The following ATP13A5 variants were observed in gnomAD, a reference collection of about 807,000 sequenced individuals.
ATP13A5 encodes the protein ATPase 13A5.
In ATP13A5, 149 loss-of-function variants were observed where a neutral mutation model predicts 150.2. That is an observed-to-expected ratio of 0.99 (90% CI 0.87 to 1.14). The LOEUF (loss-of-function observed/expected upper bound fraction) is 1.14, where lower values mean the gene tolerates loss of function less well. Among genes scored for constraint, ATP13A5 ranks in the 50% most tolerant of loss-of-function variants. The pLI is 0.00. For synonymous variants in ATP13A5, 497 were observed against 522.2 expected (o/e 0.95, Z 0.66); for missense variants, 1,383 against 1,449.3 (o/e 0.95, Z 0.74).
chr3:193,376,505 C>G (rs1016969581), intron 1 of ATP13A5, among the ~76,000 whole-genome samples: 2 of 152,146 alleles, frequency 1.3e-5, no homozygotes, highest in Non-Finnish European at 2.9e-5. Context: ...AGCCACCATG[C>G]CTGGCCAGGG....
At chr3:193,377,412 A>C (rs1018910786) in intron 1 of ATP13A5, among the ~76,000 whole-genome samples, 1 of 152,236 alleles carries the variant, frequency 6.6e-6, no homozygotes, top group African/African-American at 2.4e-5. Flanking sequence ...TACCTAAGCT[A>C]TCTAAAATAT....
rs146747359 is a variant in ATP13A5 at position 193,286,602 on chromosome 3, T to G, written c.3024-1486A>C. On this transcript the variant is annotated intron_variant, in intron 26 of 29. Coordinates refer to ENST00000342358, the MANE Select transcript of ATP13A5 (RefSeq NM_198505.4). ...ACTGTGCTTTTATAAGAATGCAAAT[T>G]TAATCGATAAATATTGTCTGTGTCT... is the stretch of plus-strand genomic sequence containing the variant. Among the ~76,000 whole-genome samples, 904 of 152,282 alleles carry G rather than the reference T, an allele frequency of 5.9e-3. 11 individuals carry two copies. Among genetic ancestry groups the G allele is most frequent in the African/African-American group, 0.021 (859 of 41,552 alleles).
chr3:193,301,561 A>T (rs947725973), intron 23 of ATP13A5, among the ~76,000 whole-genome samples: 1 of 152,232 alleles, frequency 6.6e-6, no homozygotes, highest in African/African-American at 2.4e-5. Flanking sequence ...GTCATAGAGG[A>T]TATAAAATGA....
At position 193,363,162 on chromosome 3, in the gene ATP13A5, C is replaced by G. The variant is rs188138132; in HGVS notation, c.384+74G>C. 4.9e-5 allele frequency: 73 copies of G among 1,499,292 alleles called. No individual in the cohort carries two copies. The East Asian group carries it at 1.5e-3, about 31-fold the overall frequency. The allele number at this position is 1,499,292 out of a possible 1,614,324, so 92.9% of individuals were successfully genotyped here. A position where few individuals can be genotyped will look rare whatever the true frequency, so the allele number is the denominator to read the frequency against. The stretch of plus-strand genomic sequence containing the variant: ...CATTCCAAAAGTGTGATATTCGGAA[C>G]TTTCATTTAATAAACAGTTATTTTA... On this transcript the variant is annotated intron_variant, in intron 3 of 29. Coordinates refer to ENST00000342358, the MANE Select transcript of ATP13A5 (RefSeq NM_198505.4).
In ATP13A5 at chr3:193,351,120, T is replaced by C. The variant is rs376315892; in HGVS notation, c.688A>G (p.Ile230Val). Residue 230 changes from isoleucine (I) to valine (V), a missense_variant, in exon 7 of 30, where the codon ATC (isoleucine) becomes GTC (valine). Ile to Val is a conservative substitution (Grantham distance 29, BLOSUM62 3). Around this residue, in one of 3 missense-constraint regions of ATP13A5, gnomAD observed 787 missense variants for 771.9 expected, o/e 1.02. Transcript: ENST00000342358. ...SQGYIEYSVA[I>V]IILTVISIVL... ...ATGGAGATAACAGTCAAAATGATGATGGCCACAGAGTATTCTATGTAACCT... is the reference window on the plus strand; with the variant it reads ...ATGGAGATAACAGTCAAAATGATGACGGCCACAGAGTATTCTATGTAACCT... The C allele has an allele frequency of 1.7e-5, 28 of 1,613,710 alleles. No individual in the cohort carries two copies. The East Asian group carries it at 2.0e-4, about 12-fold the overall frequency.
chr3:193,295,420 C>T (rs1407747236), intron 25 of ATP13A5, among the ~76,000 whole-genome samples: 1 of 152,006 alleles, frequency 6.6e-6, no homozygotes, highest in Non-Finnish European at 1.5e-5. Context: ...TCCTTAACCC[C>T]AGATTATCGG....
intron 24 of ATP13A5, among the ~76,000 whole-genome samples, chr3:193,299,507 C>T (rs899061100): frequency 6.6e-6 from 1 of 152,154 alleles, no homozygotes; most frequent in Non-Finnish European, 1.5e-5. Flanking sequence ...GAATTCTCAA[C>T]ATAAGATGTT....
At chr3:193,285,344 A>G (rs1451466800) in intron 26 of ATP13A5, among the ~76,000 whole-genome samples, 1 of 152,188 alleles carries the variant, frequency 6.6e-6, no homozygotes, top group Non-Finnish European at 1.5e-5. Context: ...ATCTACCTTG[A>G]AAGGGCCTGG....
intron 9 of ATP13A5, among the ~76,000 whole-genome samples, chr3:193,337,176 A>G (rs538395960): frequency 2.0e-5 from 3 of 152,022 alleles, no homozygotes; most frequent in Admixed American, 1.3e-4. Context: ...ATTTTCTCCC[A>G]TTCTCTAGGT....
At chr3:193,309,507 C>A (rs948744451) in intron 21 of ATP13A5, among the ~76,000 whole-genome samples, 2 of 152,148 alleles carry the variant, frequency 1.3e-5, no homozygotes, top group Non-Finnish European at 2.9e-5. Context: ...TCCTGGCATC[C>A]ACGCCCTGTG....
chr3:193,352,845 T>C (rs1421490057), intron 6 of ATP13A5, among the ~76,000 whole-genome samples: 1 of 152,134 alleles, frequency 6.6e-6, no homozygotes, highest in African/African-American at 2.4e-5. Flanking sequence ...TGACCATCTT[T>C]ATGGGTTAGA....
intron 28 of ATP13A5, chr3:193,277,761 C>T (rs1371094774): frequency 2.0e-5 from 3 of 152,206 alleles, no homozygotes; most frequent in Non-Finnish European, 4.4e-5. Flanking sequence ...TCATGGCTGC[C>T]ACCACTCCAA....
intron 1 of ATP13A5, 125 bp from the exon 2 acceptor site, chr3:193,364,405 G>A: frequency 8.8e-7 from 1 of 1,134,834 alleles, no homozygotes. Flanking sequence ...GTTATAGGTG[G>A]TTAAATCAAG....
At position 193,378,605 on chromosome 3, in the gene ATP13A5, C is replaced by T. The variant is rs1374429263; in HGVS notation, c.63+58G>A. ...ACTCTATTTTCTAATTCAGCTGTAGCCCATACTCACCGCCTTGGGCTCTTT... is the reference window on the plus strand; with the variant it reads ...ACTCTATTTTCTAATTCAGCTGTAGTCCATACTCACCGCCTTGGGCTCTTT... On this transcript the variant is annotated intron_variant, in intron 1 of 29. Transcript: ENST00000342358. 4 of 1,412,316 alleles carry T rather than the reference C, an allele frequency of 2.8e-6. No individual in the cohort carries two copies. In the Admixed American group the frequency reaches 5.1e-5, roughly 18 times the overall value. The allele number at this position is 1,412,316 out of a possible 1,614,324, so 87.5% of individuals were successfully genotyped here. A position where few individuals can be genotyped will look rare whatever the true frequency, so the allele number is the denominator to read the frequency against.
At chr3:193,334,168 CAGCT>C (rs1239865723) in intron 10 of ATP13A5, among the ~76,000 whole-genome samples, 1 of 152,108 alleles carries the variant, frequency 6.6e-6, no homozygotes, top group Non-Finnish European at 1.5e-5. Flanking sequence ...TTTAAAAAAT[CAGCT>C]AGAACAACTA....
At chr3:193,280,323 A>G (rs1054083508) in intron 27 of ATP13A5, among the ~76,000 whole-genome samples, 1 of 152,302 alleles carries the variant, frequency 6.6e-6, no homozygotes, top group Non-Finnish European at 1.5e-5. Context: ...AAGTGCTATG[A>G]TTACAGGCAT....
At chr3:193,297,526 CCT>C (rs992029119) in intron 25 of ATP13A5, among the ~76,000 whole-genome samples, 1 of 152,016 alleles carries the variant, frequency 6.6e-6, no homozygotes, top group Non-Finnish European at 1.5e-5. Flanking sequence ...CACCAATCTC[CCT>C]GAGTTTAGCC....
chr3:193,329,071 C>A (rs1160946895), intron 12 of ATP13A5, among the ~76,000 whole-genome samples: 3 of 151,950 alleles, frequency 2.0e-5, no homozygotes, highest in African/African-American at 7.3e-5. Flanking sequence ...ATGTTGAAAC[C>A]CCGTCTCTAC....
At chr3:193,279,976 TAAAAAAA>T (rs57617984) in intron 27 of ATP13A5, among the ~76,000 whole-genome samples, 16 of 59,902 alleles carry the variant, frequency 2.7e-4, no homozygotes, top group East Asian at 2.6e-3. Flanking sequence ...GTGTCTTTGT[TAAAAAAA>T]AAAAAAAAAA....
Sources: gnomAD v4.1 joint callset for allele counts (sites outside exome capture counted in the v4.1 genomes callset) on GRCh38, gnomAD v4.1.1 for gene constraint, gnomAD v4.1.1 regional missense constraint, MANE v1.5 for transcripts, NCBI Gene and HGNC (gene_info 2026-07-23, HGNC 2026-07-21) for gene names.